The following SDK1 variants were observed in gnomAD, a reference collection of about 807,000 sequenced individuals.
SDK1 encodes protein sidekick-1.
SDK1 carries 157 observed loss-of-function variants against 245.5 expected under a neutral mutation model. The ratio of observed to expected loss-of-function variants is 0.64; its 90% CI spans 0.56 to 0.73. The LOEUF is 0.73. Among genes scored for constraint, SDK1 ranks in the 30% least tolerant of loss-of-function variants. The pLI is 0.00. For missense variants in SDK1, 3,583 were observed against 3,002.3 expected (o/e 1.19, Z -4.52); for synonymous variants, 1,647 against 1,278.5 (o/e 1.29, Z -6.15).
intron 1 of SDK1, among the ~76,000 whole-genome samples, chr7:3,398,800 A>T (rs73052660): frequency 0.13 from 17,808 of 137,662 alleles, 1,278 homozygotes; most frequent in African/African-American, 0.22. Flanking sequence ...AAGCTAGTTT[A>T]TACTCAGCCT....
At chr7:4,126,997 G>T (rs1784432379) in intron 25 of SDK1, among the ~76,000 whole-genome samples, 1 of 152,102 alleles carries the variant, frequency 6.6e-6, no homozygotes, top group African/African-American at 2.4e-5. Context: ...TCTCTCTTCA[G>T]CTTCTCCTGT....
chr7:3,575,656 A>C (rs914024800), intron 1 of SDK1, among the ~76,000 whole-genome samples: 1 of 152,010 alleles, frequency 6.6e-6, no homozygotes, highest in African/African-American at 2.4e-5. Flanking sequence ...GACTGTCTTC[A>C]TAAAGGCAAT....
chr7:3,412,850 T>C (rs557893839), intron 1 of SDK1, among the ~76,000 whole-genome samples: 11 of 152,326 alleles, frequency 7.2e-5, no homozygotes, highest in Non-Finnish European at 1.3e-4. Flanking sequence ...CATATTATTT[T>C]TAATCACTGT....
rs80212842 is a variant in SDK1 at position 3,550,449 on chromosome 7, G to A, written c.299-68631G>A. On this transcript the variant is annotated intron_variant, in intron 1 of 44. Coordinates refer to ENST00000404826, the MANE Select transcript of SDK1 (RefSeq NM_152744.4). ...GCAGTCCTGACGCTCACTTGACTAA[G>A]GCATGTGCCTCATGTCCCCTTTACC... Among the ~76,000 whole-genome samples the A allele has an allele frequency of 1.2e-3, 180 of 152,304 alleles. 1 individual carries two copies. Among genetic ancestry groups the A allele is most frequent in the African/African-American group, 4.1e-3 (172 of 41,554 alleles).
At chr7:3,907,796 A>G (rs1015060402) in intron 5 of SDK1, among the ~76,000 whole-genome samples, 7 of 152,198 alleles carry the variant, frequency 4.6e-5, no homozygotes, top group Admixed American at 1.3e-4. Flanking sequence ...CAAAATTAAG[A>G]GCAAACTGCT....
chr7:4,091,061 C>G (rs1214552357), intron 22 of SDK1, among the ~76,000 whole-genome samples: 1 of 152,128 alleles, frequency 6.6e-6, no homozygotes, highest in African/African-American at 2.4e-5. Flanking sequence ...GATCCTGACC[C>G]CTGACTGGAC....
At chr7:3,430,401 G>C (rs1779807112) in intron 1 of SDK1, among the ~76,000 whole-genome samples, 1 of 152,096 alleles carries the variant, frequency 6.6e-6, no homozygotes. Context: ...CTGAAATCCA[G>C]GTATCCTAAG....
intron 1 of SDK1, among the ~76,000 whole-genome samples, chr7:3,385,886 G>T (rs985690512): frequency 6.6e-6 from 1 of 151,982 alleles, no homozygotes; most frequent in Non-Finnish European, 1.5e-5. Context: ...TAATGACTCT[G>T]TCAGATGTAT....
chr7:3,459,264 A>G (rs1352802345), intron 1 of SDK1, among the ~76,000 whole-genome samples: 5 of 151,540 alleles, frequency 3.3e-5, no homozygotes, highest in African/African-American at 9.7e-5. Flanking sequence ...ACCTTTTTAT[A>G]CTCCTCTTTA....
intron 5 of SDK1, among the ~76,000 whole-genome samples, chr7:3,914,705 C>T (rs907730405): frequency 2.0e-5 from 3 of 152,154 alleles, no homozygotes; most frequent in African/African-American, 7.2e-5. Context: ...GTGACATGGG[C>T]TGGGAGGTGT....
intron 4 of SDK1, among the ~76,000 whole-genome samples, chr7:3,809,507 G>T (rs888092680): frequency 7.2e-5 from 11 of 152,110 alleles, no homozygotes; most frequent in African/African-American, 2.4e-4. Flanking sequence ...TTTGTCACTC[G>T]GCAATCGAAA....
chr7:3,383,341 G>T (rs747491930), intron 1 of SDK1, among the ~76,000 whole-genome samples: 6 of 152,122 alleles, frequency 3.9e-5, no homozygotes, highest in Non-Finnish European at 8.8e-5. Flanking sequence ...AGCCCCAGAG[G>T]TTAAGATTGC....
At chr7:3,467,619 T>C (rs1458398418) in intron 1 of SDK1, among the ~76,000 whole-genome samples, 1 of 152,104 alleles carries the variant, frequency 6.6e-6, no homozygotes, top group African/African-American at 2.4e-5. Context: ...AGTTGGAATT[T>C]ATGTTTTGCA....
chr7:3,867,874 C>T (rs1280745978), intron 5 of SDK1, among the ~76,000 whole-genome samples: 1 of 152,120 alleles, frequency 6.6e-6, no homozygotes, highest in Non-Finnish European at 1.5e-5. Context: ...GCATGGATCT[C>T]TGCTGCATGA....
intron 1 of SDK1, among the ~76,000 whole-genome samples, chr7:3,532,046 C>T (rs775350491): frequency 2.0e-5 from 3 of 152,140 alleles, no homozygotes; most frequent in Non-Finnish European, 4.4e-5. Context: ...GACTGAAATC[C>T]TATAAATTTA....
intron 1 of SDK1, among the ~76,000 whole-genome samples, chr7:3,518,078 G>C (rs1363678567): frequency 1.3e-5 from 2 of 152,010 alleles, no homozygotes; most frequent in African/African-American, 4.8e-5. Flanking sequence ...AAGTGTTTTA[G>C]TAAGATATTT....
intron 21 of SDK1, 123 bp from the exon 22 acceptor site, chr7:4,079,340 C>A (rs1036153840): frequency 9.2e-6 from 11 of 1,199,858 alleles, no homozygotes; most frequent in Non-Finnish European, 1.3e-5. Flanking sequence ...GTTTTGAGAG[C>A]AAATCCTTTT....
chr7:3,819,551 A>G (rs112257393), intron 4 of SDK1, among the ~76,000 whole-genome samples: 1,913 of 152,248 alleles, frequency 0.013, 34 homozygotes, highest in African/African-American at 0.044. Context: ...AAATATTCAT[A>G]TTTAATTTTA....
rs577242128 is a variant in SDK1, at chr7:3,824,981, C to T, written c.847+3398C>T. Among the ~76,000 whole-genome samples, 51 of 152,164 alleles carry T rather than the reference C, an allele frequency of 3.4e-4. 1 individual carries two copies. Among genetic ancestry groups the T allele is most frequent in the African/African-American group, 1.2e-3 (49 of 41,514 alleles). On this transcript the variant is annotated intron_variant, in intron 5 of 44. Coordinates refer to ENST00000404826, the MANE Select transcript of SDK1 (RefSeq NM_152744.4). ...GAGGATTTCCCTGAACTCTCCACCC[C>T]GCTGCCCTGGTGAGAGCTTGCTGCC...
Sources: gnomAD v4.1 joint callset for allele counts (sites outside exome capture counted in the v4.1 genomes callset) on GRCh38, gnomAD v4.1.1 for gene constraint, MANE v1.5 for transcripts, NCBI Gene and HGNC (gene_info 2026-07-23, HGNC 2026-07-21) for gene names.